Variants in TMEM107 observed in about 807,000 individuals in gnomAD.
TMEM107 encodes transmembrane protein 107.
TMEM107 carries 18 observed loss-of-function variants against 16.8 expected under a neutral mutation model. The ratio of observed to expected loss-of-function variants is 1.07; its 90% CI spans 0.74 to 1.59. The LOEUF is 1.59. TMEM107 is among the 40% of genes most tolerant of loss of function. TMEM107 has a pLI of 0.00. For synonymous variants in TMEM107, 68 were observed against 71.6 expected, an observed-to-expected ratio of 0.95 and a Z score of 0.25; for missense variants, 152 against 175.4, an observed-to-expected ratio of 0.87 and a Z score of 0.75.
At position 8,173,495 on chromosome 17, in the gene TMEM107, C is replaced by T. The variant is rs908661294; in HGVS notation, c.*708G>A. The T allele has an allele frequency of 2.0e-5, 15 of 765,036 alleles. No individual in the cohort carries two copies. Among genetic ancestry groups the T allele is most frequent in the Non-Finnish European group, 3.1e-5 (13 of 418,020 alleles). 47.4% of individuals were successfully genotyped at this position (765,036 alleles called of 1,614,324 possible). The stretch of plus-strand genomic sequence containing the variant: ...CAGGGTGTTGCAAGTCCTGATTACG[C>T]AGAGACGTTAATCACGTTTCATGCA... On this transcript the variant is annotated 3_prime_UTR_variant, in exon 5 of 5. Transcript: ENST00000437139.
chr17:8,173,517 T>C lies in TMEM107; in HGVS notation c.*686A>G, dbSNP rs201558321. ...ACGCAGAGACGTTAATCACGTTTCA[T>C]GCATCTCCAATCATCATGTTCTAAT... On this transcript the variant is annotated 3_prime_UTR_variant, in exon 5 of 5. Coordinates refer to ENST00000437139, the MANE Select transcript of TMEM107 (RefSeq NM_183065.4). 8.6e-5 allele frequency: 66 copies of C among 765,396 alleles called. No homozygotes were observed. Among genetic ancestry groups the C allele is most frequent in the South Asian group, 1.5e-4 (11 of 74,608 alleles). The allele number at this position is 765,396 out of a possible 1,614,324, so 47.4% of individuals were successfully genotyped here.
chr17:8,173,098 G>T lies in TMEM107; in HGVS notation c.*1105C>A, dbSNP rs1179254182. ...CGACAGACCAAGACCCTACCTCAAGGAAAAAGAAATACAGTTCCTATTGAA... is the reference window on the plus strand; with the variant it reads ...CGACAGACCAAGACCCTACCTCAAGTAAAAAGAAATACAGTTCCTATTGAA... On this transcript the variant is annotated 3_prime_UTR_variant, in exon 5 of 5. Coordinates refer to ENST00000437139, the MANE Select transcript of TMEM107 (RefSeq NM_183065.4). 4.9e-6 allele frequency: 1 copy of T among 203,372 alleles called. No individual in the cohort carries two copies. Among genetic ancestry groups the T allele is most frequent in the African/African-American group, 2.4e-5 (1 of 42,476 alleles). The allele number at this position is 203,372 out of a possible 1,614,324, so 12.6% of individuals were successfully genotyped here.
At position 8,172,551 on chromosome 17, in the gene TMEM107, A is replaced by G. The variant is rs547622154; in HGVS notation, c.*1652T>C. On this transcript the variant is annotated 3_prime_UTR_variant, in exon 5 of 5. Transcript: ENST00000437139. ...AAACTAAGGGAGAAAAAAGTGCAAA[A>G]GAGGGGAGTGGGAGAAACGCGGTGG... Among the ~76,000 whole-genome samples, 1 of 152,072 alleles carries G rather than the reference A, an allele frequency of 6.6e-6. No homozygotes were observed. Among genetic ancestry groups the G allele is most frequent in the African/African-American group, 2.4e-5 (1 of 41,482 alleles).
rs746705243 is a variant in TMEM107, at chr17:8,176,261, G to C, written c.26C>G (p.Pro9Arg). 6.2e-7 allele frequency: 1 copy of C among 1,614,104 alleles called. No homozygotes were observed. The highest frequency in any genetic ancestry group is 1.1e-5 in the South Asian group (1 of 91,084). ...CGCCAGGAGCGTCAGGAAGCGAGAG[G>C]GCACAAGCCCTGAGACCCGGCCCAT... MGRVSGLV[P>R]SRFLTLLAHL... Residue 9 changes from proline to arginine, a missense_variant, in exon 1 of 5, where the codon CCC becomes CGC. By Grantham distance (103) the Pro-to-Arg change is moderately radical (BLOSUM62 -2). Transcript: ENST00000437139.
rs775179939 is a variant in TMEM107, at chr17:8,174,567, G to A, written c.306C>T (p.Phe102=). Residue 102 remains phenylalanine, a synonymous_variant, in exon 4 of 5, where the codon TTC becomes TTT. Coordinates refer to ENST00000437139, the MANE Select transcript of TMEM107 (RefSeq NM_183065.4). ...SASVALSFFI[F]ERWECTTYWY... ...AATACGTAGTGCACTCCCAACGCTC[G>A]AATATGAAGAAGGACAGGGCCACGG... 7 of 1,613,994 alleles carry A rather than the reference G, an allele frequency of 4.3e-6. No individual in the cohort carries two copies. The South Asian group carries it at 5.5e-5, about 13-fold the overall frequency.
Position 8,173,914 on chromosome 17 carries a change from G to A in TMEM107, c.*289C>T. 1 of 502,084 alleles carries A rather than the reference G, an allele frequency of 2.0e-6. No individual in the cohort carries two copies. The highest frequency in any genetic ancestry group is 3.5e-6 in the Non-Finnish European group (1 of 282,686). The allele number at this position is 502,084 out of a possible 1,614,324, so 31.1% of individuals were successfully genotyped here. A position where few individuals can be genotyped will look rare whatever the true frequency, so the allele number is the denominator to read the frequency against. ...AGCGATACCAAGTATCTTACGGTCTGCAGGACTAGAAAACAGCGTTGTTTT... is the reference window on the plus strand; with the variant it reads ...AGCGATACCAAGTATCTTACGGTCTACAGGACTAGAAAACAGCGTTGTTTT... On this transcript the variant is annotated 3_prime_UTR_variant, in exon 5 of 5. Transcript: ENST00000437139.
In TMEM107 at chr17:8,174,736, T is replaced by G; in HGVS notation, c.257-120A>C. 3 of 853,126 alleles carry G rather than the reference T, an allele frequency of 3.5e-6. No individual in the cohort carries two copies. The South Asian group carries it at 4.3e-5, about 12-fold the overall frequency. 52.8% of individuals were successfully genotyped at this position (853,126 alleles called of 1,614,324 possible). A position where few individuals can be genotyped will look rare whatever the true frequency, so the allele number is the denominator to read the frequency against. Reference sequence around the variant, plus strand: ...TCATCCCTTGCTCCCTCACCATGTTTCAAGGGCTAGAGTCAGCAGCTCTGA... The same window carrying G: ...TCATCCCTTGCTCCCTCACCATGTTGCAAGGGCTAGAGTCAGCAGCTCTGA... On this transcript the variant is annotated intron_variant, in intron 3 of 4. Transcript: ENST00000437139.
At position 8,172,606 on chromosome 17, in the gene TMEM107, G is replaced by T. The variant is rs1318119066; in HGVS notation, c.*1597C>A. ...TGCCTGTATCCTAGCACTTTAGGAG[G>T]CCTAGAGGCCTAGTGGGGAGGACGG... On this transcript the variant is annotated 3_prime_UTR_variant, in exon 5 of 5. Coordinates refer to ENST00000437139, the MANE Select transcript of TMEM107 (RefSeq NM_183065.4). Among the ~76,000 whole-genome samples, 1 of 151,994 alleles carries T rather than the reference G, an allele frequency of 6.6e-6. No homozygotes were observed. Among genetic ancestry groups the T allele is most frequent in the African/African-American group, 2.4e-5 (1 of 41,396 alleles).
chr17:8,175,513 T>C, intron 3 of TMEM107: 1 of 613,404 alleles, frequency 1.6e-6, no homozygotes, highest in Non-Finnish European at 2.9e-6. Flanking sequence ...CTCACTATGT[T>C]GCCTCCTGCC....
intron 3 of TMEM107, chr17:8,174,890 CCTT>C (rs1418726426): frequency 1.2e-5 from 5 of 433,492 alleles, no homozygotes; most frequent in Admixed American, 7.8e-5. Context: ...AGTAGGCTCT[CCTT>C]CTGCTATGCC....
In TMEM107 at chr17:8,174,209, G is replaced by T; in HGVS notation, c.417C>A (p.Pro139=). ...FVTVFGLKKK[P]F is the part of the protein sequence containing the mutation. ...GTTCCCGTCATGAAGGTAATCAGAA[G>T]GGTTTCTTTTTCAGCCCAAAGACGG... The change falls in exon 5 of 5, where the codon CCC becomes CCA. Residue 139 remains proline (P), a synonymous_variant. Coordinates refer to ENST00000437139, the MANE Select transcript of TMEM107 (RefSeq NM_183065.4). The T allele has an allele frequency of 2.5e-6, 4 of 1,614,064 alleles. No homozygotes were observed. In the South Asian group the frequency reaches 4.4e-5, roughly 18 times the overall value.
At position 8,174,291 on chromosome 17, in the gene TMEM107, G is replaced by C. The variant is rs1567552846; in HGVS notation, c.354-19C>G. Reference sequence around the variant, plus strand: ...AAGGGCACTACCAAGGCAAGTGGTAGATTCAGAAACCCTTTCAGTATAAAT... The same window carrying C: ...AAGGGCACTACCAAGGCAAGTGGTACATTCAGAAACCCTTTCAGTATAAAT... On this transcript the variant is annotated intron_variant, in intron 4 of 4. Transcript: ENST00000437139. 1 of 1,610,092 alleles carries C rather than the reference G, an allele frequency of 6.2e-7. No homozygotes were observed. Among genetic ancestry groups the C allele is most frequent in the Non-Finnish European group, 8.5e-7 (1 of 1,176,328 alleles).
Position 8,173,397 on chromosome 17 carries a change from A to T in TMEM107, c.*806T>A, listed in dbSNP as rs73245428. 4.2e-6 allele frequency: 3 copies of T among 716,400 alleles called. No individual in the cohort carries two copies. Among genetic ancestry groups the T allele is most frequent in the Non-Finnish European group, 7.7e-6 (3 of 388,280 alleles). The allele number at this position is 716,400 out of a possible 1,614,324, so 44.4% of individuals were successfully genotyped here. A position where few individuals can be genotyped will look rare whatever the true frequency, so the allele number is the denominator to read the frequency against. ...TTATCCCAGTCAGAACTTCATAGCT[A>T]TGTTTGTGGATATCTGCTAATCAGC... is the stretch of plus-strand genomic sequence containing the variant. On this transcript the variant is annotated 3_prime_UTR_variant, in exon 5 of 5. Transcript: ENST00000437139.
rs746705243 is a variant in TMEM107, at chr17:8,176,261, G to A, written c.26C>T (p.Pro9Leu). The A allele has an allele frequency of 2.5e-5, 41 of 1,613,986 alleles. No homozygotes were observed. The highest frequency in any genetic ancestry group is 3.1e-5 in the Non-Finnish European group (37 of 1,179,980). Residue 9 changes from proline (P) to leucine (L), a missense_variant, in exon 1 of 5, where the codon CCC becomes CTC. Pro to Leu is a moderately conservative substitution (Grantham distance 98). Transcript: ENST00000437139. ...CGCCAGGAGCGTCAGGAAGCGAGAG[G>A]GCACAAGCCCTGAGACCCGGCCCAT... MGRVSGLV[P>L]SRFLTLLAHL...
chr17:8,176,003 C>T lies in TMEM107; in HGVS notation c.111G>A (p.Leu37=), dbSNP rs1984102598. The change falls in exon 2 of 5, where the codon CTG becomes CTA. Residue 37 remains leucine (L), a synonymous_variant. Transcript: ENST00000437139. ...ACTCCTCGGGGGTGAACGTGAGAGG[C>T]AGGCAGGCCTGTATGTTGCTGTCCT... ...WSRDSNIQAC[L]PLTFTPEEYD... The T allele has an allele frequency of 6.2e-7, 1 of 1,614,078 alleles. No individual in the cohort carries two copies. Among genetic ancestry groups the T allele is most frequent in the South Asian group, 1.1e-5 (1 of 91,084 alleles).
chr17:8,173,464 A>G lies in TMEM107; in HGVS notation c.*739T>C, dbSNP rs761048618. On this transcript the variant is annotated 3_prime_UTR_variant, in exon 5 of 5. Transcript: ENST00000437139. ...TGATCGTCAGAAAGAATCAGACAGG[A>G]GCAATCAGGGTGTTGCAAGTCCTGA... 9 of 764,328 alleles carry G rather than the reference A, an allele frequency of 1.2e-5. No individual in the cohort carries two copies. Among genetic ancestry groups the G allele is most frequent in the Non-Finnish European group, 1.9e-5 (8 of 417,816 alleles). The allele number at this position is 764,328 out of a possible 1,614,324, so 47.3% of individuals were successfully genotyped here.
At chr17:8,174,899 A>T (rs1000124350) in intron 3 of TMEM107, 3 of 414,914 alleles carry the variant, frequency 7.2e-6, no homozygotes, top group Non-Finnish European at 1.3e-5. Flanking sequence ...TCCTTCTGCT[A>T]TGCCACAAAG....
Position 8,173,471 on chromosome 17 carries a change from A to T in TMEM107, c.*732T>A, listed in dbSNP as rs1567550049. ...CAGAAAGAATCAGACAGGAGCAATCAGGGTGTTGCAAGTCCTGATTACGCA... is the reference window on the plus strand; with the variant it reads ...CAGAAAGAATCAGACAGGAGCAATCTGGGTGTTGCAAGTCCTGATTACGCA... On this transcript the variant is annotated 3_prime_UTR_variant, in exon 5 of 5. Transcript: ENST00000437139. The T allele has an allele frequency of 2.6e-6, 2 of 764,646 alleles. No individual in the cohort carries two copies. Among genetic ancestry groups the T allele is most frequent in the Admixed American group, 1.7e-5 (1 of 58,994 alleles). 47.4% of individuals were successfully genotyped at this position (764,646 alleles called of 1,614,324 possible).
rs1165897124 is a variant in TMEM107 at position 8,173,256 on chromosome 17, T to TA, written c.*946dup. On this transcript the variant is annotated 3_prime_UTR_variant, in exon 5 of 5. Coordinates refer to ENST00000437139, the MANE Select transcript of TMEM107 (RefSeq NM_183065.4). The stretch of plus-strand genomic sequence containing the variant: ...AGCCCATTTGTATTATTTCACTGCC[T>TA]AAATTCCAGAAAGCAACAAAAACCA... 5.8e-6 allele frequency: 3 copies of TA among 517,744 alleles called. No homozygotes were observed. The East Asian group carries it at 9.3e-5, about 16-fold the overall frequency. 32.1% of individuals were successfully genotyped at this position (517,744 alleles called of 1,614,324 possible).
Sources: gnomAD v4.1 joint callset for allele counts (sites outside exome capture counted in the v4.1 genomes callset) on GRCh38, gnomAD v4.1.1 for gene constraint, MANE v1.5 for transcripts, NCBI Gene and HGNC (gene_info 2026-07-23, HGNC 2026-07-21) for gene names.